The following UTRN variants were observed in gnomAD, a reference collection of about 807,000 sequenced individuals.
The protein encoded by UTRN is dystrophin-related protein 1.
Under a neutral mutation model 463.9 loss-of-function variants are expected in UTRN, and 283 were observed. The observed-to-expected ratio is 0.61, with a 90% CI of 0.55 to 0.67. The LOEUF is 0.67. Ranked by LOEUF, UTRN falls within the 30% of genes least tolerant of loss-of-function variation. The probability of loss-of-function intolerance (pLI) is 0.00; values close to 1 mark genes in which losing one functional copy is unlikely to be tolerated. For missense variants in UTRN, 3,922 were observed against 4,084.3 expected, an observed-to-expected ratio of 0.96 and a Z score of 1.08; for synonymous variants, 1,442 against 1,431.5, an observed-to-expected ratio of 1.01 and a Z score of -0.17.
chr6:144,583,385 C>T (rs1352439903), intron 51 of UTRN: 5 of 542,466 alleles, frequency 9.2e-6, no homozygotes, highest in South Asian at 2.9e-5. Context: ...TTCCTGGAAA[C>T]GAGCATGCTC....
chr6:144,522,283 G>T, intron 40 of UTRN, 112 bp downstream of exon 40: 1 of 832,170 alleles, frequency 1.2e-6, no homozygotes, highest in Non-Finnish European at 1.7e-6. Context: ...TTGTGCCAGG[G>T]GATTAATAAT....
chr6:144,642,760 C>T (rs1186069616), intron 51 of UTRN, among the ~76,000 whole-genome samples: 8 of 151,986 alleles, frequency 5.3e-5, no homozygotes, highest in African/African-American at 1.5e-4. Context: ...ATATAGTCTT[C>T]CCTAGAATTG....
chr6:144,537,757 G>C, intron 44 of UTRN, 40 bp downstream of exon 44: 1 of 1,594,680 alleles, frequency 6.3e-7, no homozygotes, highest in South Asian at 1.1e-5. Context: ...TTTGGTGCCC[G>C]AACATTATAC....
At chr6:144,422,394 A>G (rs965287325) in intron 4 of UTRN, among the ~76,000 whole-genome samples, 6 of 152,212 alleles carry the variant, frequency 3.9e-5, no homozygotes, top group Admixed American at 2.0e-4. Flanking sequence ...AGGTGGGCGG[A>G]TTGCCTGAGC....
At position 144,827,403 on chromosome 6, in the gene UTRN, C is replaced by A; in HGVS notation, c.9533+17C>A. ...GCACTATGAGTGAGTATTCATAGCC[C>A]ACGTGCAGGAGAGGTGTTCTGATCA... is the stretch of plus-strand genomic sequence containing the variant. On this transcript the variant is annotated intron_variant, in intron 67 of 74. Coordinates refer to ENST00000367545, the MANE Select transcript of UTRN (RefSeq NM_007124.3). 6.2e-7 allele frequency: 1 copy of A among 1,613,294 alleles called. No individual in the cohort carries two copies. The highest frequency in any genetic ancestry group is 1.7e-4 in the Middle Eastern group (1 of 6,056).
chr6:144,792,273 C>T (rs904769749), intron 62 of UTRN, among the ~76,000 whole-genome samples: 2 of 152,112 alleles, frequency 1.3e-5, no homozygotes, highest in Admixed American at 6.5e-5. Context: ...GGACCAGGCA[C>T]GGTGGCTCAC....
In UTRN at chr6:144,678,457, G is replaced by A. The variant is rs763401056; in HGVS notation, c.7531G>A (p.Gly2511Arg). Residue 2511 changes from glycine to arginine, a missense_variant, in exon 52 of 75, where the codon GGA becomes AGA. Gly to Arg is a moderately radical substitution (Grantham distance 125). Coordinates refer to ENST00000367545, the MANE Select transcript of UTRN (RefSeq NM_007124.3). ...CAATGACATATTTAAAAGCATTGAC[G>A]GAAACAGGCAGAAGATGGTAAAAGC... ...AHNDIFKSIDGNRQKMVKALG... is the reference protein window; with the variant it reads ...AHNDIFKSIDRNRQKMVKALG... The A allele has an allele frequency of 1.2e-5, 19 of 1,613,164 alleles. No individual in the cohort carries two copies. In the South Asian group the frequency reaches 1.3e-4, roughly 11 times the overall value.
chr6:144,382,512 G>T lies in UTRN; in HGVS notation c.80-20611G>T, dbSNP rs55842866. Among the ~76,000 whole-genome samples, 1,498 of 152,256 alleles carry T rather than the reference G, an allele frequency of 9.8e-3. 24 individuals are homozygous for T. The highest frequency in any genetic ancestry group is 0.034 in the African/African-American group (1,432 of 41,542). On this transcript the variant is annotated intron_variant, in intron 2 of 74. Transcript: ENST00000367545. ...ATTTGTGCAGTGTACTATTCTTTTT[G>T]ACCATGATGACAGTTGGGTTTTATT...
chr6:144,804,721 A>T (rs1777993619), intron 65 of UTRN, among the ~76,000 whole-genome samples: 1 of 152,122 alleles, frequency 6.6e-6, no homozygotes, highest in Non-Finnish European at 1.5e-5. Flanking sequence ...CAGGGGTCCT[A>T]TCCTTCCTGA....
intron 33 of UTRN, among the ~76,000 whole-genome samples, chr6:144,498,981 A>G (rs148263458): frequency 6.6e-6 from 1 of 152,144 alleles, no homozygotes; most frequent in Non-Finnish European, 1.5e-5. Flanking sequence ...CCTCATACCA[A>G]TCTTTTGAGG....
intron 62 of UTRN, among the ~76,000 whole-genome samples, chr6:144,793,199 G>A (rs1283901924): frequency 6.6e-6 from 1 of 152,066 alleles, no homozygotes; most frequent in Non-Finnish European, 1.5e-5. Context: ...TTGAATTTAG[G>A]AGTGAACACA....
intron 2 of UTRN, among the ~76,000 whole-genome samples, chr6:144,370,619 A>G (rs1158705546): frequency 6.6e-6 from 1 of 152,202 alleles, no homozygotes; most frequent in Non-Finnish European, 1.5e-5. Flanking sequence ...TGGAGCTGTG[A>G]GAAGAGGGCC....
At chr6:144,312,458 C>A (rs967080335) in intron 2 of UTRN, among the ~76,000 whole-genome samples, 1 of 150,962 alleles carries the variant, frequency 6.6e-6, no homozygotes, top group Non-Finnish European at 1.5e-5. Flanking sequence ...AACATAGAAG[C>A]ACTCAAGAAA....
At chr6:144,457,838 T>G (rs1789018711) in intron 19 of UTRN, among the ~76,000 whole-genome samples, 1 of 152,220 alleles carries the variant, frequency 6.6e-6, no homozygotes, top group Non-Finnish European at 1.5e-5. Context: ...TGATCATATA[T>G]GTTTATAAAG....
rs2128567349 is a variant in UTRN, at chr6:144,470,872, A to G, written c.3067-2848A>G. Among the ~76,000 whole-genome samples the G allele has an allele frequency of 2.0e-5, 3 of 151,854 alleles. 1 individual carries two copies. The South Asian group carries it at 6.2e-4, about 32-fold the overall frequency. The stretch of plus-strand genomic sequence containing the variant: ...AAACCCCGTCTCCACCAAAAAATAC[A>G]AAAACCAGTCAGGCGTGGCGGCGCG... On this transcript the variant is annotated intron_variant, in intron 23 of 74. Coordinates refer to ENST00000367545, the MANE Select transcript of UTRN (RefSeq NM_007124.3).
intron 2 of UTRN, among the ~76,000 whole-genome samples, chr6:144,339,467 C>G (rs1016333484): frequency 1.3e-5 from 2 of 151,988 alleles, no homozygotes; most frequent in African/African-American, 2.4e-5. Context: ...TGTGAATTGT[C>G]TGGTTTTCAT....
chr6:144,782,759 A>G (rs1775956561), intron 61 of UTRN, among the ~76,000 whole-genome samples: 2 of 152,198 alleles, frequency 1.3e-5, no homozygotes, highest in African/African-American at 4.8e-5. Flanking sequence ...CTCATTTGCC[A>G]TTAATTTGGC....
chr6:144,844,363 G>A (rs1781845386), intron 73 of UTRN, among the ~76,000 whole-genome samples: 1 of 151,582 alleles, frequency 6.6e-6, no homozygotes, highest in African/African-American at 2.4e-5. Flanking sequence ...CCACCTCCCA[G>A]GCTCAAGCAA....
At chr6:144,787,686 G>A (rs1482595133) in intron 61 of UTRN, among the ~76,000 whole-genome samples, 1 of 152,088 alleles carries the variant, frequency 6.6e-6, no homozygotes, top group Non-Finnish European at 1.5e-5. Flanking sequence ...TAAAATCAAT[G>A]ATTAAATATA....
Sources: allele counts gnomAD v4.1 joint callset (sites outside exome capture counted in the v4.1 genomes callset), GRCh38; gene constraint gnomAD v4.1.1; transcripts MANE v1.5; gene names NCBI Gene and HGNC (gene_info 2026-07-23, HGNC 2026-07-21).